AHRR: variants seen among roughly 807,000 people sequenced by gnomAD.
The protein encoded by AHRR is aryl hydrocarbon receptor repressor, also known as ahR repressor.
Under a neutral mutation model 44.0 loss-of-function variants are expected in AHRR, and 28 were observed. That is an observed-to-expected ratio of 0.64 (90% confidence interval 0.47 to 0.87). The LOEUF (loss-of-function observed/expected upper bound fraction) is 0.87. Among genes scored for constraint, AHRR ranks in the 40% least tolerant of loss-of-function variants. The pLI is 0.00. For synonymous variants in AHRR, 434 were observed against 407.0 expected (o/e 1.07, Z -0.80); for missense variants, 990 against 953.9 (o/e 1.04, Z -0.50).
chr5:326,412 C>G lies in AHRR; in HGVS notation c.-11+4593C>G, dbSNP rs1264776071. 6.6e-6 allele frequency among the ~76,000 whole-genome samples: 1 copy of G among 152,218 alleles called. No individual in the cohort carries two copies. Among genetic ancestry groups the G allele is most frequent in the African/African-American group, 2.4e-5 (1 of 41,454 alleles). On this transcript the variant is annotated intron_variant, in intron 1 of 10. Coordinates refer to ENST00000684583, the MANE Select transcript of AHRR (RefSeq NM_001377236.1). The surrounding 1 kb of genome is among the most constrained non-coding windows in gnomAD (Gnocchi z 4.1). ...GGGTCCATCCATGTGGCAGCACGTG[C>G]CAGGGCTTCCTTCCTTTTCATGGCT...
At chr5:428,604 G>T (rs560128024) in intron 8 of AHRR, among the ~76,000 whole-genome samples, 88 of 152,308 alleles carry the variant, frequency 5.8e-4, no homozygotes, top group African/African-American at 2.0e-3. Context: ...GACTGGGAGT[G>T]GGGGGATGGT....
chr5:401,038 A>C (rs1357400092), intron 4 of AHRR, among the ~76,000 whole-genome samples: 1 of 152,184 alleles, frequency 6.6e-6, no homozygotes, highest in Non-Finnish European at 1.5e-5. Flanking sequence ...GAGGCCCCTC[A>C]GTGTCACCAC....
At chr5:418,844 G>A (rs1156770960) in intron 5 of AHRR, 1 of 152,906 alleles carries the variant, frequency 6.5e-6, no homozygotes, top group Non-Finnish European at 1.5e-5. Flanking sequence ...CATGCAGCAG[G>A]TGCACCCAGG....
intron 1 of AHRR, among the ~76,000 whole-genome samples, chr5:332,911 A>G (rs1741978738): frequency 6.9e-6 from 1 of 145,704 alleles, no homozygotes; most frequent in South Asian, 2.2e-4. Flanking sequence ...TTATCATTAT[A>G]TAATAAATGA....
At chr5:379,559 G>A (rs779481769) in intron 4 of AHRR, among the ~76,000 whole-genome samples, 1 of 152,138 alleles carries the variant, frequency 6.6e-6, no homozygotes, top group Non-Finnish European at 1.5e-5. Context: ...AATCTTGTTA[G>A]GGTTTTAGTT....
At chr5:372,769 A>C (rs924302047) in intron 3 of AHRR, among the ~76,000 whole-genome samples, 5 of 152,170 alleles carry the variant, frequency 3.3e-5, no homozygotes, top group African/African-American at 9.7e-5. Context: ...ACCCAGACGC[A>C]CAGCTGGACC....
In AHRR at chr5:434,624, G is replaced by T. The variant is rs375711291; in HGVS notation, c.1884G>T (p.Ser628=). The T allele has an allele frequency of 6.4e-7, 1 of 1,562,296 alleles. No homozygotes were observed. Among genetic ancestry groups the T allele is most frequent in the Non-Finnish European group, 8.7e-7 (1 of 1,153,474 alleles). The part of the protein sequence containing the change: ...CLEPTDGLPQ[S]EPPHQLCARG... ...AGCCCACAGACGGCCTTCCCCAGTCGGAGCCTCCCCACCAGCTCTGTGCAC... is the reference window on the plus strand; with the variant it reads ...AGCCCACAGACGGCCTTCCCCAGTCTGAGCCTCCCCACCAGCTCTGTGCAC... Residue 628 remains serine (S), a synonymous_variant, in exon 11 of 11, where the codon TCG becomes TCT. Coordinates refer to ENST00000684583, the MANE Select transcript of AHRR (RefSeq NM_001377236.1).
intron 1 of AHRR, among the ~76,000 whole-genome samples, chr5:333,368 G>T (rs1741999921): frequency 6.6e-6 from 1 of 152,198 alleles, no homozygotes; most frequent in Non-Finnish European, 1.5e-5. Flanking sequence ...GGCAGAGGCA[G>T]GTGGATCACT....
chr5:333,465 G>C (rs1163141832), intron 1 of AHRR, among the ~76,000 whole-genome samples: 3 of 152,114 alleles, frequency 2.0e-5, no homozygotes, highest in Non-Finnish European at 4.4e-5. Flanking sequence ...GAGTGGTGGT[G>C]GAGGGCTATA....
intron 1 of AHRR, among the ~76,000 whole-genome samples, chr5:325,724 T>C (rs1047094234): frequency 2.3e-4 from 35 of 152,294 alleles, no homozygotes; most frequent in Non-Finnish European, 1.6e-4. Flanking sequence ...TTTGCTTATA[T>C]TTATTTGTAA....
Position 434,757 on chromosome 5 carries a change from G to C in AHRR, c.2017G>C (p.Val673Leu). The stretch of plus-strand genomic sequence containing the variant: ...GTGGGCTACTCACAGCCAGGGAATG[G>C]TGCCCGGGATGTTGCCCAAAAGTGC... The part of the protein sequence containing the change: ...PQWATHSQGM[V>L]PGMLPKSALA... The change falls in exon 11 of 11, where the codon GTG becomes CTG. Residue 673 changes from valine to leucine, a missense_variant. Val to Leu is a conservative substitution (Grantham distance 32, BLOSUM62 1). Coordinates refer to ENST00000684583, the MANE Select transcript of AHRR (RefSeq NM_001377236.1). 1 of 1,565,240 alleles carries C rather than the reference G, an allele frequency of 6.4e-7. No individual in the cohort carries two copies. Among genetic ancestry groups the C allele is most frequent in the South Asian group, 1.2e-5 (1 of 85,106 alleles).
intron 5 of AHRR, among the ~76,000 whole-genome samples, chr5:416,882 G>T (rs989865686): frequency 1.3e-5 from 2 of 152,138 alleles, no homozygotes; most frequent in Admixed American, 1.3e-4. Context: ...GTCTAGAGAA[G>T]GTGGCTTGGT....
chr5:355,134 GCCTGGGCCT>G (rs1267809403), intron 3 of AHRR, among the ~76,000 whole-genome samples: 1 of 152,210 alleles, frequency 6.6e-6, no homozygotes, highest in Admixed American at 6.5e-5. Context: ...TCTGTTCCCA[GCCTGGGCCT>G]CCTGGTGCCC....
In AHRR at chr5:406,910, T is replaced by C. The variant is rs2126503450; in HGVS notation, c.352-6434T>C. 6.6e-6 allele frequency among the ~76,000 whole-genome samples: 1 copy of C among 152,182 alleles called. No homozygotes were observed. The highest frequency in any genetic ancestry group is 1.9e-4 in the East Asian group (1 of 5,180). On this transcript the variant is annotated intron_variant, in intron 4 of 10. Coordinates refer to ENST00000684583, the MANE Select transcript of AHRR (RefSeq NM_001377236.1). The surrounding 1 kb of genome is among the most constrained non-coding windows in gnomAD (Gnocchi z 4.7). ...GATCAAACAGGCAATAATAACAAAG[T>C]TTCTTAATAGGGCACCAGTTATTGA...
intron 7 of AHRR, among the ~76,000 whole-genome samples, chr5:424,330 T>C (rs530088665): frequency 4.5e-5 from 6 of 133,192 alleles, no homozygotes; most frequent in Admixed American, 7.9e-5. Context: ...GGGAGAGGGC[T>C]GGGCACTGAG....
chr5:403,597 CA>C lies in AHRR; in HGVS notation c.352-9746del, dbSNP rs879782656. The C allele has an allele frequency of 3.8e-4, 168 of 440,220 alleles. 2 individuals carry two copies. The Middle Eastern group carries it at 4.1e-3, about 11-fold the overall frequency. The allele number at this position is 440,220 out of a possible 1,614,324, so 27.3% of individuals were successfully genotyped here. A position where few individuals can be genotyped will look rare whatever the true frequency, so the allele number is the denominator to read the frequency against. ...GTTGCAGTGAGCCGAGATCGCACCACACTGTACTCCAGCCTAGGTGACAGAA... is the reference window on the plus strand; with the variant it reads ...GTTGCAGTGAGCCGAGATCGCACCACCTGTACTCCAGCCTAGGTGACAGAA... On this transcript the variant is annotated intron_variant, in intron 4 of 10. Coordinates refer to ENST00000684583, the MANE Select transcript of AHRR (RefSeq NM_001377236.1).
At position 404,086 on chromosome 5, in the gene AHRR, A is replaced by C. The variant is rs1404458751; in HGVS notation, c.352-9258A>C. The C allele has an allele frequency of 1.1e-5, 7 of 636,492 alleles. No homozygotes were observed. Among genetic ancestry groups the C allele is most frequent in the South Asian group, 1.5e-5 (1 of 65,642 alleles). The allele number at this position is 636,492 out of a possible 1,614,324, so 39.4% of individuals were successfully genotyped here. A position where few individuals can be genotyped will look rare whatever the true frequency, so the allele number is the denominator to read the frequency against. On this transcript the variant is annotated intron_variant, in intron 4 of 10. Transcript: ENST00000684583. The surrounding 1 kb of genome is among the most constrained non-coding windows in gnomAD (Gnocchi z 4.1). ...TTGTCCAGCGTTTGAAGAAAAAGTC[A>C]GTTCCGTTGTCAGGGTTGGTCCAGG...
In AHRR at chr5:395,811, T is replaced by A. The variant is rs983902419; in HGVS notation, c.352-17533T>A. 6.6e-6 allele frequency among the ~76,000 whole-genome samples: 1 copy of A among 152,166 alleles called. No homozygotes were observed. The highest frequency in any genetic ancestry group is 1.9e-4 in the East Asian group (1 of 5,186). On this transcript the variant is annotated intron_variant, in intron 4 of 10. Transcript: ENST00000684583. This position sits in a 1 kb window ranked among gnomAD's most constrained non-coding sequence, Gnocchi z 5.3. ...CCAGCTGGGGCTGCGCACACGTTCC[T>A]GTGAGGGACCCTTTGGGAGAGGATT...
At chr5:352,114 C>T (rs1216049747) in intron 2 of AHRR, among the ~76,000 whole-genome samples, 3 of 152,250 alleles carry the variant, frequency 2.0e-5, no homozygotes, top group Non-Finnish European at 4.4e-5. Context: ...GCCATCTTTT[C>T]TTTCGCATGA....
Sources: gnomAD v4.1 joint callset for allele counts (sites outside exome capture counted in the v4.1 genomes callset) on GRCh38, gnomAD v4.1.1 for gene constraint, Gnocchi (gnomAD v3.1) non-coding constraint, MANE v1.5 for transcripts, NCBI Gene and HGNC (gene_info 2026-07-23, HGNC 2026-07-21) for gene names.